Variants in CDC25B observed in about 807,000 individuals in gnomAD.
CDC25B encodes the protein cell division cycle 25B.
A neutral mutation model predicts 69.8 loss-of-function variants in CDC25B; 33 were observed. The ratio of observed to expected loss-of-function variants is 0.47; its 90% CI spans 0.36 to 0.63. CDC25B has a LOEUF of 0.63. Among genes scored for constraint, CDC25B ranks in the 30% least tolerant of loss-of-function variants. CDC25B has a pLI of 0.00. For synonymous variants in CDC25B, 341 were observed against 314.6 expected, an observed-to-expected ratio of 1.08 and a Z score of -0.89; for missense variants, 727 against 809.1, an observed-to-expected ratio of 0.90 and a Z score of 1.23.
At position 3,796,418 on chromosome 20, in the gene CDC25B, TC is replaced by T. The variant is rs1217802585; in HGVS notation, c.-102del. The T allele has an allele frequency of 0.14, 21,282 of 148,150 alleles. 21 individuals are homozygous for T. The highest frequency in any genetic ancestry group is 0.15 in the South Asian group (702 of 4,602). The allele number at this position is 148,150 out of a possible 1,614,324, so 9.2% of individuals were successfully genotyped here. A position where few individuals can be genotyped will look rare whatever the true frequency, so the allele number is the denominator to read the frequency against. ...CTGTGGCTCTTCCTCCCTCCCTCCT[TC>T]CCCCCCCCCCCACCCCTCGCCCGCT... On this transcript the variant is annotated 5_prime_UTR_variant, in exon 1 of 16. Transcript: ENST00000245960.
chr20:3,798,343 T>A (rs2089141754), intron 2 of CDC25B, 69 bp from the exon 3 acceptor site: 5 of 660,670 alleles, frequency 7.6e-6, no homozygotes, highest in Non-Finnish European at 1.2e-5. Flanking sequence ...TTTTTCATAT[T>A]GGGACATGGT....
intron 3 of CDC25B, among the ~76,000 whole-genome samples, chr20:3,799,521 T>TGC (rs1555774234): frequency 0.02 from 1,031 of 50,608 alleles, 8 homozygotes; most frequent in African/African-American, 0.066. Flanking sequence ...TGTGTGTGTG[T>TGC]GTGTGCGCGC....
In CDC25B at chr20:3,796,324, C is replaced by G; in HGVS notation, c.-208C>G. On this transcript the variant is annotated 5_prime_UTR_variant, in exon 1 of 16. Transcript: ENST00000245960. ...CAGCTGCAACTAGAGGCTTCCCTGG[C>G]TGGTGCCTGAGCCCGGCGTCCCTCG... 8.3e-6 allele frequency: 11 copies of G among 1,326,450 alleles called. No homozygotes were observed. The highest frequency in any genetic ancestry group is 1.1e-5 in the Non-Finnish European group (11 of 1,042,708). 82.2% of individuals were successfully genotyped at this position (1,326,450 alleles called of 1,614,324 possible).
intron 3 of CDC25B, among the ~76,000 whole-genome samples, chr20:3,799,693 T>C (rs1055898063): frequency 9.9e-5 from 15 of 151,688 alleles, no homozygotes; most frequent in Admixed American, 3.3e-4. Context: ...GAAAATTCCA[T>C]AGGAGGGAGG....
chr20:3,787,453 T>C (rs2088844126), intron 1 of CDC25B, among the ~76,000 whole-genome samples: 1 of 152,218 alleles, frequency 6.6e-6, no homozygotes, highest in African/African-American at 2.4e-5. Flanking sequence ...ATGACATTTT[T>C]AAAGTTCTAG....
rs866431303 is a variant in CDC25B, at chr20:3,802,178, C to A, written c.1098+78C>A. The A allele has an allele frequency of 2.1e-5, 33 of 1,539,410 alleles. 1 individual carries two copies. In the South Asian group the frequency reaches 3.8e-4, roughly 18 times the overall value. ...CCTTGGCTAAGTTTGTGGCAGAGGG[C>A]AGGTGGCAGCCTGGGCATGGCAGAG... On this transcript the variant is annotated intron_variant, in intron 10 of 15. Coordinates refer to ENST00000245960, the MANE Select transcript of CDC25B (RefSeq NM_021873.4).
upstream of CDC25B, among the ~76,000 whole-genome samples, chr20:3,791,578 G>A (rs183542913): frequency 6.6e-6 from 1 of 152,236 alleles, no homozygotes; most frequent in East Asian, 1.9e-4. Flanking sequence ...AGCTACTTGG[G>A]AGGCTGAGGT....
intron 1 of CDC25B, chr20:3,787,205 T>A (rs1288455340): frequency 1.3e-5 from 8 of 635,422 alleles, no homozygotes; most frequent in Non-Finnish European, 1.9e-5. Context: ...TTTTAAAAAT[T>A]TATTATATAA....
At position 3,801,106 on chromosome 20, in the gene CDC25B, A is replaced by T. The variant is rs368586289; in HGVS notation, c.705+13A>T. ...CCCCGACCTGATGGTACATCCAGAG[A>T]GCGGATCCCTGGGAGGGGCCTGGGG... On this transcript the variant is annotated intron_variant, in intron 7 of 15. Coordinates refer to ENST00000245960, the MANE Select transcript of CDC25B (RefSeq NM_021873.4). 2.1e-4 allele frequency: 334 copies of T among 1,613,690 alleles called. 4 individuals carry two copies. The highest frequency in any genetic ancestry group is 1.7e-3 in the Admixed American group (100 of 60,014).
intron 1 of CDC25B, 89 bp from the exon 2 acceptor site, chr20:3,797,533 T>A: frequency 1.3e-6 from 2 of 1,512,980 alleles, no homozygotes; most frequent in South Asian, 2.4e-5. Context: ...TCAGTTCTTT[T>A]CTCAGCAAGG....
At chr20:3,788,142 A>AAAGAAAGAAAGAAAGAAAGAAAG (rs2088855200) in intron 1 of CDC25B, among the ~76,000 whole-genome samples, 1 of 149,974 alleles carries the variant, frequency 6.7e-6, no homozygotes, top group African/African-American at 2.5e-5. Context: ...ATCTCAAAAA[A>AAAGAAAGAAAGAAAGAAAGAAAG]AAAGAAAGAA....
intron 1 of CDC25B, among the ~76,000 whole-genome samples, chr20:3,797,016 G>GCTGCCTCCGTAATCTCTGCC (rs1600388077): frequency 2.6e-5 from 4 of 152,100 alleles, no homozygotes; most frequent in East Asian, 3.9e-4. Flanking sequence ...CCTCCACCAC[G>GCTGCCTCCGTAATCTCTGCC]CTGCCTCCGT....
chr20:3,796,118 C>T (rs1263629534), upstream of CDC25B: 1 of 1,032,352 alleles, frequency 9.7e-7, no homozygotes, highest in Middle Eastern at 4.8e-4. Context: ...GGGGGATGTG[C>T]GAGGGTGTGG....
chr20:3,804,872 G>A lies in CDC25B; in HGVS notation c.1654G>A (p.Asp552Asn). 1 of 1,614,180 alleles carries A rather than the reference G, an allele frequency of 6.2e-7. No individual in the cohort carries two copies. The highest frequency in any genetic ancestry group is 8.5e-7 in the Non-Finnish European group (1 of 1,180,026). The change falls in exon 16 of 16, where the codon GAT (aspartate) becomes AAT (asparagine). Residue 552 changes from aspartate (D) to asparagine (N), a missense_variant. By Grantham distance (23) the Asp-to-Asn change is conservative (BLOSUM62 1). This residue lies in a region of CDC25B where 359 missense variants were observed against 463.4 expected (regional missense o/e 0.77). Transcript: ENST00000245960. ...YRPMNHEAFKDELKTFRLKTR... is the reference protein window; with the variant it reads ...YRPMNHEAFKNELKTFRLKTR... ...GCCCATGAACCACGAGGCCTTCAAG[G>A]ATGAGCTAAAGACCTTCCGCCTCAA...
rs1360028595 is a variant in CDC25B, at chr20:3,803,755, A to G, written c.1490+218A>G. On this transcript the variant is annotated intron_variant, in intron 14 of 15. Coordinates refer to ENST00000245960, the MANE Select transcript of CDC25B (RefSeq NM_021873.4). The surrounding 1 kb of genome is among the most constrained non-coding windows in gnomAD (Gnocchi z 4.9). ...GCCTATCAAGCCTCATGTCCACCCC[A>G]CATCCATTACTGCCACCCTCAGAAA... is the stretch of plus-strand genomic sequence containing the variant. 3.3e-5 allele frequency among the ~76,000 whole-genome samples: 5 copies of G among 152,046 alleles called. No individual in the cohort carries two copies. Among genetic ancestry groups the G allele is most frequent in the Admixed American group, 2.6e-4 (4 of 15,256 alleles).
Position 3,800,496 on chromosome 20 carries a change from C to A in CDC25B, c.457C>A (p.Pro153Thr), listed in dbSNP as rs770312291. ...TGCCATCAGACGCTTCCAGTCTATG[C>A]CGGTGAGTGTCTTCGAGGCCTGACT... is the stretch of plus-strand genomic sequence containing the variant. ...QFAIRRFQSM[P>T]VRLLGHSPVL... is the part of the protein sequence containing the mutation. Residue 153 changes from proline to threonine, a missense_variant and splice_region_variant, in exon 5 of 16, where the codon CCG becomes ACG. By Grantham distance (38) the Pro-to-Thr change is conservative. Around this residue, in one of 2 missense-constraint regions of CDC25B, gnomAD observed 368 missense variants for 345.6 expected, o/e 1.06. Coordinates refer to ENST00000245960, the MANE Select transcript of CDC25B (RefSeq NM_021873.4). 9.1e-5 allele frequency: 147 copies of A among 1,614,012 alleles called. No individual in the cohort carries two copies. Among genetic ancestry groups the A allele is most frequent in the Non-Finnish European group, 1.2e-4 (142 of 1,179,964 alleles).
At chr20:3,797,271 T>C (rs1303141127) in intron 1 of CDC25B, among the ~76,000 whole-genome samples, 1 of 152,196 alleles carries the variant, frequency 6.6e-6, no homozygotes, top group Non-Finnish European at 1.5e-5. Context: ...GGAAGGGTCC[T>C]GGAAAGGTGG....
intron 1 of CDC25B, among the ~76,000 whole-genome samples, chr20:3,791,006 C>A (rs1263506672): frequency 6.6e-6 from 1 of 152,092 alleles, no homozygotes; most frequent in Non-Finnish European, 1.5e-5. Flanking sequence ...ACCCACACTT[C>A]TTTTACTCTA....
At position 3,803,313 on chromosome 20, in the gene CDC25B, G is replaced by C; in HGVS notation, c.1357-91G>C. 1 of 1,594,054 alleles carries C rather than the reference G, an allele frequency of 6.3e-7. No individual in the cohort carries two copies. ...GGACGGGTGCCCCCTCTCATGGGGA[G>C]GGTTCCTACTAAGAGAAGGACAGCG... On this transcript the variant is annotated intron_variant, in intron 13 of 15. Coordinates refer to ENST00000245960, the MANE Select transcript of CDC25B (RefSeq NM_021873.4). This position sits in a 1 kb window ranked among gnomAD's most constrained non-coding sequence, Gnocchi z 4.9.
Sources: gnomAD v4.1 joint callset for allele counts (sites outside exome capture counted in the v4.1 genomes callset) on GRCh38, gnomAD v4.1.1 for gene constraint, gnomAD v4.1.1 regional missense constraint, Gnocchi (gnomAD v3.1) non-coding constraint, MANE v1.5 for transcripts, NCBI Gene and HGNC (gene_info 2026-07-23, HGNC 2026-07-21) for gene names.